The following LRP1B variants were observed in gnomAD, a reference collection of about 807,000 sequenced individuals.
LRP1B encodes LDL receptor related protein 1B.
A neutral mutation model predicts 556.6 loss-of-function variants in LRP1B; 217 were observed. That is an observed-to-expected ratio of 0.39 (90% confidence interval 0.35 to 0.44). The LOEUF is 0.44. Ranked by LOEUF, LRP1B falls within the 20% of genes least tolerant of loss-of-function variation. LRP1B has a pLI of 1.00. For missense variants in LRP1B, 5,053 were observed against 5,620.8 expected, an observed-to-expected ratio of 0.90 and a Z score of 3.23; for synonymous variants, 2,047 against 1,865.8, an observed-to-expected ratio of 1.10 and a Z score of -2.50.
At chr2:142,104,205 C>T (rs894386640) in intron 1 of LRP1B, among the ~76,000 whole-genome samples, 11 of 152,104 alleles carry the variant, frequency 7.2e-5, no homozygotes, top group South Asian at 2.1e-4. Context: ...TTCTTCACTT[C>T]AAGGGGAACT....
At chr2:141,192,855 T>C (rs143112901) in intron 6 of LRP1B, among the ~76,000 whole-genome samples, 25 of 152,186 alleles carry the variant, frequency 1.6e-4, no homozygotes, top group Non-Finnish European at 3.4e-4. Context: ...CAAGCAACTA[T>C]GTTTTTAAAA....
chr2:141,042,792 A>G (rs1698740629), intron 11 of LRP1B, among the ~76,000 whole-genome samples: 1 of 151,890 alleles, frequency 6.6e-6, no homozygotes, highest in South Asian at 2.1e-4. Flanking sequence ...TCACAAAATA[A>G]GGTGGTATAG....
intron 66 of LRP1B, among the ~76,000 whole-genome samples, chr2:140,422,436 T>C (rs958292651): frequency 1.3e-5 from 2 of 152,282 alleles, no homozygotes; most frequent in South Asian, 4.1e-4. Flanking sequence ...ATTATATGAC[T>C]AAATATGCTG....
rs557247710 is a variant in LRP1B at position 141,319,313 on chromosome 2, T to G, written c.344-64672A>C. ...TAAAAAGCAGTGTTTTTTTGTTGTTTTTTTTTTTTTTCCTACTCTTACTTG... is the reference window on the plus strand; with the variant it reads ...TAAAAAGCAGTGTTTTTTTGTTGTTGTTTTTTTTTTTCCTACTCTTACTTG... On this transcript the variant is annotated intron_variant, in intron 3 of 90. Transcript: ENST00000389484. Among the ~76,000 whole-genome samples the G allele has an allele frequency of 8.5e-4, 126 of 147,770 alleles. 1 individual carries two copies. The highest frequency in any genetic ancestry group is 1.5e-3 in the Non-Finnish European group (100 of 67,050).
intron 3 of LRP1B, among the ~76,000 whole-genome samples, chr2:141,446,296 A>C (rs1230581007): frequency 2.6e-5 from 4 of 151,852 alleles, no homozygotes; most frequent in Admixed American, 1.3e-4. Flanking sequence ...TTTTGAGTCT[A>C]TGTGTGTCTT....
intron 55 of LRP1B, among the ~76,000 whole-genome samples, chr2:140,498,477 A>G (rs1056477949): frequency 2.0e-5 from 3 of 151,832 alleles, no homozygotes; most frequent in Non-Finnish European, 4.4e-5. Flanking sequence ...TCCCTTTTGA[A>G]TAGTTAGATA....
chr2:140,995,656 C>A (rs1200235005), intron 15 of LRP1B, among the ~76,000 whole-genome samples: 1 of 151,918 alleles, frequency 6.6e-6, no homozygotes, highest in East Asian at 1.9e-4. Context: ...TGCAATAGCA[C>A]ACAGCTTTGA....
chr2:141,999,300 C>T (rs1702591375), intron 1 of LRP1B, among the ~76,000 whole-genome samples: 1 of 152,140 alleles, frequency 6.6e-6, no homozygotes, highest in African/African-American at 2.4e-5. Context: ...ATGCTCTTGG[C>T]TGAGAGTGGG....
chr2:142,020,631 C>A (rs375478877), intron 1 of LRP1B, among the ~76,000 whole-genome samples: 3 of 151,954 alleles, frequency 2.0e-5, no homozygotes, highest in Non-Finnish European at 2.9e-5. Flanking sequence ...TACTTCTAAC[C>A]ACAGAGAATG....
chr2:141,880,160 C>T (rs1253741898), intron 1 of LRP1B, among the ~76,000 whole-genome samples: 1 of 151,978 alleles, frequency 6.6e-6, no homozygotes, highest in African/African-American at 2.4e-5. Context: ...TATCTACGAT[C>T]CATCAAGGGC....
chr2:140,516,300 A>C (rs1168054475), intron 50 of LRP1B, among the ~76,000 whole-genome samples: 1 of 152,106 alleles, frequency 6.6e-6, no homozygotes, highest in Admixed American at 6.6e-5. Flanking sequence ...AAAATATAAT[A>C]CAAATAAAAA....
intron 7 of LRP1B, among the ~76,000 whole-genome samples, chr2:141,171,751 G>A (rs1680508007): frequency 6.6e-6 from 1 of 151,910 alleles, no homozygotes; most frequent in South Asian, 2.1e-4. Context: ...TTTTACCATG[G>A]GTAGGTAATT....
At chr2:140,821,036 CTACTT>C (rs1375638548) in intron 31 of LRP1B, among the ~76,000 whole-genome samples, 2 of 151,606 alleles carry the variant, frequency 1.3e-5, no homozygotes, top group South Asian at 4.2e-4. Flanking sequence ...TTTTCAGTGT[CTACTT>C]AACTGTATGA....
intron 1 of LRP1B, among the ~76,000 whole-genome samples, chr2:141,945,903 G>T (rs1700940668): frequency 6.6e-6 from 1 of 151,902 alleles, no homozygotes; most frequent in Middle Eastern, 3.4e-3. Context: ...CCTTGCTAAG[G>T]GAGAATGCGG....
chr2:141,652,611 C>T (rs1689841066), intron 2 of LRP1B, among the ~76,000 whole-genome samples: 1 of 152,166 alleles, frequency 6.6e-6, no homozygotes, highest in African/African-American at 2.4e-5. Flanking sequence ...GTTTTTCTAT[C>T]TGTCATTCTG....
chr2:141,354,360 T>G (rs1688550221), intron 3 of LRP1B, among the ~76,000 whole-genome samples: 1 of 152,004 alleles, frequency 6.6e-6, no homozygotes, highest in Non-Finnish European at 1.5e-5. Context: ...ATTCAGACAA[T>G]ACATAAATAA....
intron 75 of LRP1B, among the ~76,000 whole-genome samples, chr2:140,355,121 T>A (rs917637333): frequency 6.6e-6 from 1 of 151,880 alleles, no homozygotes; most frequent in Non-Finnish European, 1.5e-5. Flanking sequence ...AAATAAAGAA[T>A]GTAGTGTGCA....
At chr2:141,110,096 A>G (rs1047248190) in intron 7 of LRP1B, among the ~76,000 whole-genome samples, 4 of 138,274 alleles carry the variant, frequency 2.9e-5, no homozygotes, top group African/African-American at 1.0e-4. Context: ...TAAGACAGCT[A>G]AAACTTAAAA....
At chr2:140,488,854 G>C (rs1268696881) in intron 57 of LRP1B, among the ~76,000 whole-genome samples, 2 of 151,938 alleles carry the variant, frequency 1.3e-5, no homozygotes, top group African/African-American at 4.8e-5. Context: ...GTAGAGACAA[G>C]CATCTTCAGA....
Sources: allele counts gnomAD v4.1 joint callset (sites outside exome capture counted in the v4.1 genomes callset), GRCh38; gene constraint gnomAD v4.1.1; transcripts MANE v1.5; gene names NCBI Gene and HGNC (gene_info 2026-07-23, HGNC 2026-07-21).